Variants in PRKN observed in about 807,000 individuals in gnomAD.
PRKN encodes the protein parkin RBR E3 ubiquitin protein ligase, also known as E3 ubiquitin-protein ligase parkin.
Under a neutral mutation model 59.5 loss-of-function variants are expected in PRKN, and 56 were observed. The observed-to-expected ratio is 0.94, with a 90% CI of 0.76 to 1.18. PRKN has a LOEUF of 1.18. Among genes scored for constraint, PRKN ranks in the 50% most tolerant of loss-of-function variants. The pLI, the probability that PRKN is intolerant of heterozygous loss-of-function variation, is 0.00. For synonymous variants in PRKN, 250 were observed against 222.1 expected (o/e 1.13, Z -1.12); for missense variants, 657 against 596.4 (o/e 1.10, Z -1.06).
chr6:161,495,710 G>A (rs1297338283), intron 9 of PRKN, among the ~76,000 whole-genome samples: 1 of 152,200 alleles, frequency 6.6e-6, no homozygotes, highest in Non-Finnish European at 1.5e-5. Context: ...CATGTCCTGA[G>A]AGAAAGAGGT....
At chr6:162,644,780 C>A (rs571065252) in intron 1 of PRKN, among the ~76,000 whole-genome samples, 2 of 152,050 alleles carry the variant, frequency 1.3e-5, no homozygotes, top group Non-Finnish European at 2.9e-5. Flanking sequence ...GAAAGCAATA[C>A]GGTATACTGC....
intron 6 of PRKN, among the ~76,000 whole-genome samples, chr6:161,897,986 T>TAAAAAAAAAAAAAAAAAAAAAAAA: frequency 1.6e-5 from 1 of 61,762 alleles, no homozygotes; most frequent in African/African-American, 5.6e-5. Context: ...AAAAAAAAAG[T>TAAAAAAAAAAAAAAAAAAAAAAAA]CTCCCAGTTG....
intron 4 of PRKN, among the ~76,000 whole-genome samples, chr6:162,107,573 A>G (rs1780244442): frequency 6.6e-6 from 1 of 152,252 alleles, no homozygotes; most frequent in African/African-American, 2.4e-5. Flanking sequence ...TTTGGAGATT[A>G]AAGCATGGCC....
rs571816599 is a variant in PRKN, at chr6:162,326,658, A to G, written c.172-63893T>C. Among the ~76,000 whole-genome samples the G allele has an allele frequency of 2.1e-3, 314 of 152,258 alleles. 2 individuals are homozygous for G. The highest frequency in any genetic ancestry group is 7.3e-3 in the African/African-American group (302 of 41,558). ...TTCATAAATCAATGATACTCCCCTG[A>G]ACTGCCCAAGGTTTGCATCATAGAT... On this transcript the variant is annotated intron_variant, in intron 2 of 11. Coordinates refer to ENST00000366898, the MANE Select transcript of PRKN (RefSeq NM_004562.3).
intron 7 of PRKN, among the ~76,000 whole-genome samples, chr6:161,767,461 G>C (rs1430582009): frequency 6.6e-6 from 1 of 150,898 alleles, no homozygotes; most frequent in African/African-American, 2.4e-5. Context: ...AGCTTGCAGT[G>C]AGCCAAGATC....
chr6:162,659,642 T>C (rs1375919702), intron 1 of PRKN, among the ~76,000 whole-genome samples: 1 of 152,136 alleles, frequency 6.6e-6, no homozygotes, highest in Admixed American at 6.5e-5. Context: ...CCATGAGTTA[T>C]TAACCCATTA....
chr6:161,546,383 C>T lies in PRKN; in HGVS notation c.1083+2471G>A, dbSNP rs972165376. Among the ~76,000 whole-genome samples, 3 of 152,022 alleles carry T rather than the reference C, an allele frequency of 2.0e-5. No homozygotes were observed. Among genetic ancestry groups the T allele is most frequent in the African/African-American group, 7.2e-5 (3 of 41,394 alleles). On this transcript the variant is annotated intron_variant, in intron 9 of 11. Transcript: ENST00000366898. The surrounding 1 kb of genome is among the most constrained non-coding windows in gnomAD (Gnocchi z 4.4). ...ACCCTTTTTAAATCACTGTGGAATT[C>T]CTTTAGCATTCAAGTTAGGTGAATA...
rs73592387 is a variant in PRKN at position 162,172,801 on chromosome 6, A to G, written c.534+28330T>C. Among the ~76,000 whole-genome samples, 1,445 of 152,280 alleles carry G rather than the reference A, an allele frequency of 9.5e-3. 21 individuals carry two copies. Among genetic ancestry groups the G allele is most frequent in the African/African-American group, 0.033 (1,379 of 41,560 alleles). On this transcript the variant is annotated intron_variant, in intron 4 of 11. Transcript: ENST00000366898. ...GAAAAACCAAAGGAACAAAATAAAA[A>G]TGGAGGCATACCAGCCAATGGGTGC... is the stretch of plus-strand genomic sequence containing the variant.
Position 162,386,688 on chromosome 6 carries a change from A to G in PRKN, c.171+56622T>C, listed in dbSNP as rs79454894. 6.6e-3 allele frequency among the ~76,000 whole-genome samples: 1,010 copies of G among 152,348 alleles called. 8 individuals carry two copies. Among genetic ancestry groups the G allele is most frequent in the Middle Eastern group, 0.014 (4 of 294 alleles). On this transcript the variant is annotated intron_variant, in intron 2 of 11. Transcript: ENST00000366898. ...GAAATATGCGTGTACGTACGTGTGC[A>G]CATATGTGCGTGTATGCATGTGTGT...
In PRKN at chr6:161,575,154, T is replaced by C. The variant is rs1055889981; in HGVS notation, c.872-5738A>G. 6.6e-6 allele frequency among the ~76,000 whole-genome samples: 1 copy of C among 152,228 alleles called. No homozygotes were observed. Among genetic ancestry groups the C allele is most frequent in the African/African-American group, 2.4e-5 (1 of 41,452 alleles). ...TTCAATGAATACCAGCTTTTTGGTG[T>C]TAAAAATGAATAAGACAATTTGTTA... is the stretch of plus-strand genomic sequence containing the variant. On this transcript the variant is annotated intron_variant, in intron 7 of 11. Transcript: ENST00000366898. The surrounding 1 kb of genome is among the most constrained non-coding windows in gnomAD (Gnocchi z 4.6).
At chr6:162,185,414 T>C (rs1783984453) in intron 4 of PRKN, among the ~76,000 whole-genome samples, 1 of 152,198 alleles carries the variant, frequency 6.6e-6, no homozygotes, top group Non-Finnish European at 1.5e-5. Context: ...TACGGCTGAA[T>C]ACCCTGCTCC....
Position 161,626,546 on chromosome 6 carries a change from C to T in PRKN, c.872-57130G>A, listed in dbSNP as rs564850000. 8.6e-4 allele frequency among the ~76,000 whole-genome samples: 131 copies of T among 152,290 alleles called. 1 individual carries two copies. The South Asian group carries it at 0.026, about 30-fold the overall frequency. ...GTTGCCAGACTGAAAGAACACGGAG[C>T]GTGTCTGGAGGATGCCGGCAAAGCT... On this transcript the variant is annotated intron_variant, in intron 7 of 11. Transcript: ENST00000366898.
Position 161,694,514 on chromosome 6 carries a change from A to AT in PRKN, c.871+91257dup, listed in dbSNP as rs539743843. Among the ~76,000 whole-genome samples the AT allele has an allele frequency of 9.5e-4, 143 of 150,316 alleles. No individual in the cohort carries two copies. The South Asian group carries it at 0.011, about 12-fold the overall frequency. On this transcript the variant is annotated intron_variant, in intron 7 of 11. Coordinates refer to ENST00000366898, the MANE Select transcript of PRKN (RefSeq NM_004562.3). ...TTTATTTGGGCAAAGGTCACTATGG[A>AT]TTTTTTTTTTAATTTTTAACTGTAG...
At chr6:161,735,468 G>A (rs1317877141) in intron 7 of PRKN, among the ~76,000 whole-genome samples, 3 of 152,052 alleles carry the variant, frequency 2.0e-5, no homozygotes, top group South Asian at 2.1e-4. Flanking sequence ...GGTGTTAGTC[G>A]ACTATTTTCG....
chr6:162,318,406 T>A (rs983278489), intron 2 of PRKN, among the ~76,000 whole-genome samples: 4 of 152,096 alleles, frequency 2.6e-5, no homozygotes, highest in African/African-American at 9.7e-5. Context: ...TTAGCTACTA[T>A]GAATTATACT....
chr6:162,365,998 A>T (rs1396773958), intron 2 of PRKN, among the ~76,000 whole-genome samples: 1 of 152,194 alleles, frequency 6.6e-6, no homozygotes, highest in Non-Finnish European at 1.5e-5. Context: ...AGATGCCTCG[A>T]AGTAAAATTA....
rs141890310 is a variant in PRKN, at chr6:162,442,463, G to C, written c.171+847C>G. ...AAAGAATAGCGTCAACAAATGTTGA[G>C]TTGTATTTGCGAGTTTCCCCAACAA... is the stretch of plus-strand genomic sequence containing the variant. On this transcript the variant is annotated intron_variant, in intron 2 of 11. Coordinates refer to ENST00000366898, the MANE Select transcript of PRKN (RefSeq NM_004562.3). Among the ~76,000 whole-genome samples the C allele has an allele frequency of 1.6e-3, 245 of 152,262 alleles. 2 individuals carry two copies. Among genetic ancestry groups the C allele is most frequent in the Non-Finnish European group, 2.5e-3 (171 of 68,028 alleles).
intron 1 of PRKN, among the ~76,000 whole-genome samples, chr6:162,510,936 C>T (rs948196012): frequency 6.9e-6 from 1 of 144,764 alleles, no homozygotes; most frequent in Non-Finnish European, 1.5e-5. Flanking sequence ...AACAAACAAA[C>T]AAATAAAAAA....
At chr6:162,532,372 G>A (rs1778550723) in intron 1 of PRKN, among the ~76,000 whole-genome samples, 1 of 152,228 alleles carries the variant, frequency 6.6e-6, no homozygotes, top group South Asian at 2.1e-4. Context: ...ATCTCATAGT[G>A]CACATCGTTA....
Sources: allele counts gnomAD v4.1 joint callset (sites outside exome capture counted in the v4.1 genomes callset), GRCh38; gene constraint gnomAD v4.1.1; non-coding constraint Gnocchi (gnomAD v3.1); transcripts MANE v1.5; gene names NCBI Gene and HGNC (gene_info 2026-07-23, HGNC 2026-07-21).